Variants in STK32A observed in about 807,000 individuals in gnomAD.
The protein encoded by STK32A is serine/threonine-protein kinase 32A.
A neutral mutation model predicts 53.2 loss-of-function variants in STK32A; 41 were observed. The ratio of observed to expected loss-of-function variants is 0.77; its 90% confidence interval spans 0.60 to 1.00. STK32A has a LOEUF of 1.00. Among genes scored for constraint, STK32A ranks in the 50% least tolerant of loss-of-function variants. STK32A has a pLI of 0.00. For synonymous variants in STK32A, 166 were observed against 162.8 expected (o/e 1.02, Z -0.15); for missense variants, 458 against 485.8 (o/e 0.94, Z 0.54).
chr5:147,375,927 T>C (rs1037626036), intron 11 of STK32A: 1 of 152,192 alleles, frequency 6.6e-6, no homozygotes, highest in Admixed American at 6.6e-5. Flanking sequence ...AAAGGTCATC[T>C]ATCTATCCAC....
intron 2 of STK32A, among the ~76,000 whole-genome samples, chr5:147,253,500 G>A (rs991501530): frequency 1.3e-5 from 2 of 152,056 alleles, no homozygotes; most frequent in South Asian, 2.1e-4. Flanking sequence ...TTTTCTGTAC[G>A]CACTACCACG....
chr5:147,329,675 C>A (rs907284344), intron 5 of STK32A, among the ~76,000 whole-genome samples: 1 of 152,084 alleles, frequency 6.6e-6, no homozygotes, highest in African/African-American at 2.4e-5. Flanking sequence ...TGCTTAGTTG[C>A]GTCTTCCCAA....
chr5:147,261,216 T>G (rs565571584), intron 2 of STK32A, among the ~76,000 whole-genome samples: 1 of 152,302 alleles, frequency 6.6e-6, no homozygotes, highest in Admixed American at 6.5e-5. Context: ...AAAGTTTTAG[T>G]GCCACAAAAG....
At chr5:147,373,363 C>T in intron 10 of STK32A, 69 bp downstream of exon 10, 2 of 1,574,090 alleles carry the variant, frequency 1.3e-6, no homozygotes, top group Non-Finnish European at 1.7e-6. Flanking sequence ...CAGATTCACA[C>T]ATTGTCTCAT....
downstream of STK32A, chr5:147,392,752 T>C (rs1204734556): frequency 6.6e-6 from 1 of 152,132 alleles, no homozygotes; most frequent in Non-Finnish European, 1.5e-5. Context: ...CTTGGGGAGA[T>C]TCTAGGACTG....
the STK32A span, chr5:147,399,220 C>T: frequency 6.2e-7 from 1 of 1,614,144 alleles, no homozygotes; most frequent in Non-Finnish European, 8.5e-7. Context: ...TTGTCACAGC[C>T]ACGAACTGGT....
intron 8 of STK32A, among the ~76,000 whole-genome samples, chr5:147,362,428 T>TA (rs1053855881): frequency 6.6e-6 from 1 of 152,222 alleles, no homozygotes; most frequent in Non-Finnish European, 1.5e-5. Flanking sequence ...TGTCTTCTTA[T>TA]AAGTCTACTA....
intron 2 of STK32A, among the ~76,000 whole-genome samples, chr5:147,276,776 C>G (rs1561686992): frequency 6.6e-6 from 1 of 152,078 alleles, no homozygotes; most frequent in Admixed American, 6.5e-5. Context: ...ATGTTAAGTA[C>G]GTAAACAGCT....
intron 5 of STK32A, among the ~76,000 whole-genome samples, chr5:147,328,059 T>C (rs11742132): frequency 0.15 from 23,148 of 152,202 alleles, 1,953 homozygotes; most frequent in Non-Finnish European, 0.19. Flanking sequence ...AGCTAAATTG[T>C]GTAAGAAAGA....
the STK32A span, chr5:147,401,528 T>C: frequency 6.2e-7 from 1 of 1,608,546 alleles, no homozygotes; most frequent in Non-Finnish European, 8.5e-7. Context: ...TGCTGGGCAT[T>C]CCTGCACCAA....
chr5:147,256,342 C>T (rs1350542434), intron 2 of STK32A, among the ~76,000 whole-genome samples: 1 of 152,132 alleles, frequency 6.6e-6, no homozygotes, highest in Non-Finnish European at 1.5e-5. Flanking sequence ...TTACTCCAGG[C>T]TGTAGAATCC....
chr5:147,324,840 T>A (rs1754500539), intron 5 of STK32A, among the ~76,000 whole-genome samples: 2 of 152,188 alleles, frequency 1.3e-5, no homozygotes, highest in Non-Finnish European at 2.9e-5. Context: ...TCAAAACATC[T>A]ACTAATCAAC....
At chr5:147,287,177 T>C (rs940398447) in intron 4 of STK32A, among the ~76,000 whole-genome samples, 22 of 152,278 alleles carry the variant, frequency 1.4e-4, no homozygotes, top group Middle Eastern at 3.4e-3. Flanking sequence ...ATTTCCATAA[T>C]CCAAGGCATA....
intron 11 of STK32A, among the ~76,000 whole-genome samples, chr5:147,380,066 T>C (rs1461443698): frequency 2.6e-5 from 4 of 152,184 alleles, no homozygotes; most frequent in East Asian, 1.9e-4. Flanking sequence ...AAAGGTCATC[T>C]GCAAGTATGT....
At chr5:147,275,972 C>T (rs1221568533) in intron 2 of STK32A, among the ~76,000 whole-genome samples, 1 of 152,142 alleles carries the variant, frequency 6.6e-6, no homozygotes, top group East Asian at 1.9e-4. Flanking sequence ...CTGCTGCATC[C>T]TTGGAGATTC....
intron 1 of STK32A, among the ~76,000 whole-genome samples, chr5:147,236,786 G>A (rs559098567): frequency 6.6e-6 from 1 of 152,216 alleles, no homozygotes; most frequent in South Asian, 2.1e-4. Context: ...GGAAAATTGC[G>A]ATAATATTCC....
chr5:147,332,793 G>A (rs1408052700), intron 5 of STK32A, among the ~76,000 whole-genome samples: 5 of 152,172 alleles, frequency 3.3e-5, no homozygotes, highest in Admixed American at 1.3e-4. Context: ...CCGAGCTACC[G>A]AATAATGAAT....
intron 4 of STK32A, among the ~76,000 whole-genome samples, chr5:147,308,141 TATA>T: frequency 5.2e-5 from 1 of 19,058 alleles, no homozygotes; most frequent in Non-Finnish European, 1.0e-4. Flanking sequence ...ATACATTTTA[TATA>T]TATATATATA....
chr5:147,317,488 C>T (rs1754063925), intron 4 of STK32A, among the ~76,000 whole-genome samples: 1 of 151,774 alleles, frequency 6.6e-6, no homozygotes, highest in Non-Finnish European at 1.5e-5. Context: ...CCACCATGCC[C>T]AGCTAATTTT....
Sources: gnomAD v4.1 joint callset for allele counts (sites outside exome capture counted in the v4.1 genomes callset) on GRCh38, gnomAD v4.1.1 for gene constraint, MANE v1.5 for transcripts, NCBI Gene and HGNC (gene_info 2026-07-23, HGNC 2026-07-21) for gene names.